Variants in TENM3 observed in about 807,000 individuals in gnomAD.
TENM3 encodes the protein teneurin-3.
In TENM3, 63 loss-of-function variants were observed where a neutral mutation model predicts 255.1. The ratio of observed to expected loss-of-function variants is 0.25; its 90% CI spans 0.20 to 0.30. The LOEUF is 0.30. Among genes scored for constraint, TENM3 ranks in the 10% least tolerant of loss-of-function variants. The probability of loss-of-function intolerance (pLI) is 1.00; values close to 1 mark genes in which losing one functional copy is unlikely to be tolerated. For missense variants in TENM3, 2,929 were observed against 3,461.1 expected (o/e 0.85, Z 3.86); for synonymous variants, 1,306 against 1,322.3 (o/e 0.99, Z 0.27).
At chr4:181,759,095 C>T in the TENM3 span, among the ~76,000 whole-genome samples, 1 of 152,060 alleles carries the variant, frequency 6.6e-6, no homozygotes, top group East Asian at 1.9e-4. Context: ...ACAGTTGCCT[C>T]ACATAATTTT....
chr4:182,183,188 G>A lies in TENM3; in HGVS notation c.-76+38434G>A, dbSNP rs111804195. Among the ~76,000 whole-genome samples, 1,251 of 152,178 alleles carry A rather than the reference G, an allele frequency of 8.2e-3. 10 individuals carry two copies. The highest frequency in any genetic ancestry group is 0.01 in the Non-Finnish European group (701 of 68,000). On this transcript the variant is annotated intron_variant, in intron 1 of 2. Coordinates refer to the TENM3 transcript ENST00000512480. ...AATTTGGTTTTCAAAGATTAGAACA[G>A]CATTTTATTTTATTTTGTTTCTTCT...
At chr4:182,103,584 T>G in the TENM3 span, among the ~76,000 whole-genome samples, 92,134 of 152,032 alleles carry the variant, frequency 0.61, 29,054 homozygotes, top group East Asian at 0.84. Context: ...ACACAAAGCC[T>G]GCAATCCAGC....
intron 1 of TENM3, among the ~76,000 whole-genome samples, chr4:182,183,937 A>C (rs1301228751): frequency 6.6e-6 from 1 of 152,192 alleles, no homozygotes; most frequent in Non-Finnish European, 1.5e-5. Context: ...TAAAACTACA[A>C]GTGGCCTTTT....
At chr4:181,522,964 T>C in the TENM3 span, 1 of 691,724 alleles carries the variant, frequency 1.4e-6, no homozygotes, top group East Asian at 3.0e-5. Flanking sequence ...AAGGCTGAGA[T>C]AAAGGAGATG....
At chr4:182,678,919 C>T (rs889654313) in intron 7 of TENM3, among the ~76,000 whole-genome samples, 8 of 152,116 alleles carry the variant, frequency 5.3e-5, no homozygotes, top group African/African-American at 1.9e-4. Context: ...AGTGAATGAG[C>T]AGAAAGAGGA....
intron 3 of TENM3, among the ~76,000 whole-genome samples, chr4:182,571,700 G>A (rs972276992): frequency 1.3e-5 from 2 of 152,106 alleles, no homozygotes; most frequent in African/African-American, 4.8e-5. Flanking sequence ...CTATGTTTCA[G>A]AAAATGTAAA....
intron 3 of TENM3, among the ~76,000 whole-genome samples, chr4:182,466,867 T>C (rs1732650456): frequency 6.6e-6 from 1 of 151,034 alleles, no homozygotes; most frequent in Admixed American, 6.6e-5. Flanking sequence ...TTTTTTTTTT[T>C]CCTTTCCCAT....
the TENM3 span, among the ~76,000 whole-genome samples, chr4:181,814,590 G>GTGTA: frequency 1.3e-5 from 2 of 149,894 alleles, no homozygotes; most frequent in African/African-American, 4.9e-5. Context: ...TTAAATGCGT[G>GTGTA]TGTGTGTGTG....
chr4:181,938,766 A>C, the TENM3 span, among the ~76,000 whole-genome samples: 1 of 152,226 alleles, frequency 6.6e-6, no homozygotes, highest in East Asian at 1.9e-4. Context: ...TTCAGCAGTG[A>C]AATGCCACTG....
intron 4 of TENM3, among the ~76,000 whole-genome samples, chr4:182,601,499 A>G (rs914661870): frequency 6.6e-6 from 1 of 152,184 alleles, no homozygotes; most frequent in African/African-American, 2.4e-5. Context: ...AGTTGCATGT[A>G]GTTTGATTCA....
the TENM3 span, among the ~76,000 whole-genome samples, chr4:181,808,732 AAC>A: frequency 6.6e-6 from 1 of 152,224 alleles, no homozygotes; most frequent in Non-Finnish European, 1.5e-5. Flanking sequence ...GAAATTTGAA[AAC>A]ACACGTGGGT....
At chr4:182,059,072 C>T in the TENM3 span, among the ~76,000 whole-genome samples, 17 of 151,478 alleles carry the variant, frequency 1.1e-4, no homozygotes, top group South Asian at 4.2e-4. Flanking sequence ...TAAGGAGAGG[C>T]GGATGTGAAG....
chr4:182,768,054 C>T (rs1763873913), intron 22 of TENM3, among the ~76,000 whole-genome samples: 1 of 152,148 alleles, frequency 6.6e-6, no homozygotes, highest in Non-Finnish European at 1.5e-5. Context: ...TGAGTCGGGC[C>T]AGTTCAGGGT....
the TENM3 span, chr4:181,976,683 A>T: frequency 6.6e-6 from 1 of 152,330 alleles, no homozygotes; most frequent in South Asian, 2.1e-4. Context: ...TGGGAATGTC[A>T]AGTAGGCAAT....
At chr4:181,691,952 T>C in the TENM3 span, among the ~76,000 whole-genome samples, 1 of 152,214 alleles carries the variant, frequency 6.6e-6, no homozygotes, top group East Asian at 1.9e-4. Context: ...TGTTTTCAAC[T>C]AGGTGCTTGT....
chr4:181,686,583 G>A, the TENM3 span, among the ~76,000 whole-genome samples: 1 of 152,058 alleles, frequency 6.6e-6, no homozygotes, highest in Non-Finnish European at 1.5e-5. Flanking sequence ...AAATAAGTAA[G>A]ACGTGGCTCC....
chr4:181,542,915 C>T, the TENM3 span, among the ~76,000 whole-genome samples: 5 of 152,226 alleles, frequency 3.3e-5, no homozygotes, highest in Middle Eastern at 3.4e-3. Flanking sequence ...TCAAGGGTTC[C>T]CCCATCCCCT....
intron 4 of TENM3, among the ~76,000 whole-genome samples, chr4:182,603,558 T>C (rs1748102895): frequency 1.3e-5 from 2 of 152,068 alleles, no homozygotes; most frequent in South Asian, 4.1e-4. Flanking sequence ...AGTACTACTG[T>C]GGTTTCTTTA....
the TENM3 span, among the ~76,000 whole-genome samples, chr4:181,798,090 A>AGTGTGTGTGT: frequency 1.5e-3 from 229 of 149,896 alleles, 2 homozygotes; most frequent in African/African-American, 5.2e-3. Context: ...TTTCAAAATA[A>AGTGTGTGTGT]GTGTGTGTGT....
Sources: gnomAD v4.1 joint callset for allele counts (sites outside exome capture counted in the v4.1 genomes callset) on GRCh38, gnomAD v4.1.1 for gene constraint, MANE v1.5 for transcripts, NCBI Gene and HGNC (gene_info 2026-07-23, HGNC 2026-07-21) for gene names.